ABI3BP: variants seen among roughly 807,000 people sequenced by gnomAD.
ABI3BP encodes the protein target of Nesh-SH3.
A neutral mutation model predicts 268.6 loss-of-function variants in ABI3BP; 216 were observed. That is an observed-to-expected ratio of 0.80 (90% confidence interval 0.72 to 0.90). The LOEUF (loss-of-function observed/expected upper bound fraction) is 0.90. Among genes scored for constraint, ABI3BP ranks in the 40% least tolerant of loss-of-function variants. ABI3BP has a pLI of 0.00. For synonymous variants in ABI3BP, 730 were observed against 730.0 expected (o/e 1.00, Z 0.00); for missense variants, 2,090 against 2,182.4 (o/e 0.96, Z 0.84).
intron 2 of ABI3BP, among the ~76,000 whole-genome samples, chr3:100,908,064 C>A (rs895854427): frequency 6.7e-6 from 1 of 149,792 alleles, no homozygotes; most frequent in Non-Finnish European, 1.5e-5. Context: ...TGCAGTGAGC[C>A]GAGATCGTGC....
At chr3:100,972,532 T>C (rs1212078555) in intron 1 of ABI3BP, among the ~76,000 whole-genome samples, 2 of 152,244 alleles carry the variant, frequency 1.3e-5, no homozygotes, top group African/African-American at 4.8e-5. Context: ...CATAAGTTAA[T>C]GCACATTTTT....
intron 3 of ABI3BP, 124 bp from the exon 4 acceptor site, chr3:100,899,018 CCTTTT>C (rs1439182302): frequency 9.4e-7 from 1 of 1,064,692 alleles, no homozygotes; most frequent in African/African-American, 1.6e-5. Context: ...AAGTTCCTTT[CCTTTT>C]CTATAGTCCA....
intron 6 of ABI3BP, among the ~76,000 whole-genome samples, chr3:100,884,359 T>A (rs2040877959): frequency 6.6e-6 from 1 of 152,110 alleles, no homozygotes. Context: ...CATTGAAATA[T>A]TTTCCTAGAA....
intron 14 of ABI3BP, among the ~76,000 whole-genome samples, chr3:100,857,380 C>T (rs1444599046): frequency 2.0e-5 from 3 of 152,166 alleles, no homozygotes; most frequent in South Asian, 2.1e-4. Flanking sequence ...ATTTCTAAGA[C>T]GTAACCACCT....
chr3:100,766,202 G>A lies in ABI3BP; in HGVS notation c.4742-253C>T, dbSNP rs550681474. Among the ~76,000 whole-genome samples, 7 of 152,298 alleles carry A rather than the reference G, an allele frequency of 4.6e-5. No homozygotes were observed. The East Asian group carries it at 1.2e-3, about 25-fold the overall frequency. On this transcript the variant is annotated intron_variant, in intron 62 of 67. Transcript: ENST00000471714. ...TTTACCAGAGGCAAAGGAAGACCTG[G>A]TAACTGGTGAAGACCCATGCCACGC... is the stretch of plus-strand genomic sequence containing the variant.
intron 43 of ABI3BP, 159 bp downstream of exon 43, chr3:100,816,529 C>T (rs966330636): frequency 2.8e-6 from 2 of 725,112 alleles, no homozygotes; most frequent in Admixed American, 4.0e-5. Context: ...CTGGATAGCT[C>T]TGTACGAGAA....
chr3:100,982,985 C>T (rs1419672166), intron 1 of ABI3BP, among the ~76,000 whole-genome samples: 5 of 152,170 alleles, frequency 3.3e-5, no homozygotes, highest in African/African-American at 9.7e-5. Context: ...CACCAGAATC[C>T]GCTGCTCTCA....
At chr3:100,897,068 A>G (rs1202849165) in intron 4 of ABI3BP, among the ~76,000 whole-genome samples, 1 of 135,030 alleles carries the variant, frequency 7.4e-6, no homozygotes, top group African/African-American at 2.7e-5. Flanking sequence ...AACACTACAA[A>G]AAACATAAAC....
chr3:100,774,682 G>A lies in ABI3BP; in HGVS notation c.4463-9C>T. On this transcript the variant is annotated splice_polypyrimidine_tract_variant and intron_variant, in intron 60 of 67. Transcript: ENST00000471714. ...AAAGTCAGTTATATTTTCTGAGAAT[G>A]GAAAATAATGAACAGTTTTGGCAAA... is the stretch of plus-strand genomic sequence containing the variant. 1.9e-6 allele frequency: 3 copies of A among 1,550,276 alleles called. No homozygotes were observed. The highest frequency in any genetic ancestry group is 2.6e-6 in the Non-Finnish European group (3 of 1,145,734).
chr3:100,934,131 T>C (rs1018434763), intron 1 of ABI3BP, among the ~76,000 whole-genome samples: 2 of 149,816 alleles, frequency 1.3e-5, no homozygotes, highest in African/African-American at 2.4e-5. Flanking sequence ...ACCCCTCCCC[T>C]AACCCCCCAC....
intron 1 of ABI3BP, among the ~76,000 whole-genome samples, chr3:100,975,531 C>T (rs762424833): frequency 3.0e-4 from 45 of 151,956 alleles, no homozygotes; most frequent in Non-Finnish European, 5.1e-4. Flanking sequence ...CCTGTTGGGA[C>T]GATGCTTTTA....
At chr3:100,841,194 CTTTTTTTTTTTTTTT>C (rs60261694) in intron 21 of ABI3BP, among the ~76,000 whole-genome samples, 2,787 of 39,770 alleles carry the variant, frequency 0.07, 64 homozygotes, top group Admixed American at 0.093. Context: ...CATTAGAACA[CTTTTTTTTTTTTTTT>C]TTTTTTTTTT....
At chr3:100,989,583 C>T (rs917477383) in intron 1 of ABI3BP, among the ~76,000 whole-genome samples, 4 of 152,152 alleles carry the variant, frequency 2.6e-5, no homozygotes, top group Admixed American at 1.3e-4. Flanking sequence ...ATCCTCATGC[C>T]CTCTGGCCAT....
intron 20 of ABI3BP, chr3:100,843,519 ATGTG>A (rs529259315): frequency 4.7e-4 from 399 of 854,330 alleles, no homozygotes; most frequent in Middle Eastern, 1.8e-3. Flanking sequence ...GAGGGAGAGG[ATGTG>A]TGTGTGTGTG....
chr3:100,750,707 A>G lies in ABI3BP; in HGVS notation c.5246-97T>C, dbSNP rs540437340. ...GGATGTCGTTGACTAGCTGAAGGCTAATCTTAGTGAAGCGAGGTAATTTAG... is the reference window on the plus strand; with the variant it reads ...GGATGTCGTTGACTAGCTGAAGGCTGATCTTAGTGAAGCGAGGTAATTTAG... On this transcript the variant is annotated intron_variant, in intron 67 of 67. Coordinates refer to ENST00000471714, the MANE Select transcript of ABI3BP (RefSeq NM_001375547.2). The G allele has an allele frequency of 6.5e-6, 5 of 771,034 alleles. No individual in the cohort carries two copies. The South Asian group carries it at 9.5e-5, about 15-fold the overall frequency. 47.8% of individuals were successfully genotyped at this position (771,034 alleles called of 1,614,324 possible).
At chr3:100,939,563 T>C (rs529065648) in intron 1 of ABI3BP, among the ~76,000 whole-genome samples, 1 of 152,090 alleles carries the variant, frequency 6.6e-6, no homozygotes, top group South Asian at 2.1e-4. Flanking sequence ...TTAGGGATTT[T>C]CAAAAGGGGA....
At chr3:100,760,108 G>C (rs1216769784) in intron 63 of ABI3BP, among the ~76,000 whole-genome samples, 1 of 152,156 alleles carries the variant, frequency 6.6e-6, no homozygotes, top group Non-Finnish European at 1.5e-5. Flanking sequence ...CCAGCTATAG[G>C]ATACTTTGGT....
chr3:100,911,618 G>A, intron 2 of ABI3BP: 1 of 691,238 alleles, frequency 1.4e-6, no homozygotes, highest in Non-Finnish European at 2.6e-6. Flanking sequence ...TTACTGCTTG[G>A]CTAAAACCAG....
At chr3:100,771,456 G>GA (rs906094086) in intron 61 of ABI3BP, among the ~76,000 whole-genome samples, 61 of 151,704 alleles carry the variant, frequency 4.0e-4, no homozygotes, top group African/African-American at 1.5e-3. Flanking sequence ...ATAATAAGGA[G>GA]AAAAAAATCA....
Sources: gnomAD v4.1 joint callset for allele counts (sites outside exome capture counted in the v4.1 genomes callset) on GRCh38, gnomAD v4.1.1 for gene constraint, MANE v1.5 for transcripts, NCBI Gene and HGNC (gene_info 2026-07-23, HGNC 2026-07-21) for gene names.